The following TMEM244 variants were observed in gnomAD, a reference collection of about 807,000 sequenced individuals.
The protein encoded by TMEM244 is putative transmembrane protein 244.
TMEM244 carries 13 observed loss-of-function variants against 15.8 expected under a neutral mutation model. That is an observed-to-expected ratio of 0.82 (90% CI 0.53 to 1.30). The LOEUF is 1.30. Among genes scored for constraint, TMEM244 ranks in the 50% most tolerant of loss-of-function variants. The pLI is 0.00. For missense variants in TMEM244, 161 were observed against 144.9 expected (o/e 1.11, Z -0.57); for synonymous variants, 45 against 48.7 (o/e 0.92, Z 0.32).
chr6:129,851,210 C>T (rs1031238120), intron 1 of TMEM244, among the ~76,000 whole-genome samples: 20 of 152,080 alleles, frequency 1.3e-4, no homozygotes, highest in Non-Finnish European at 4.4e-5. Flanking sequence ...TCCTCTCAAC[C>T]CTGTGCTGTC....
chr6:129,855,355 G>T (rs1162157777), intron 1 of TMEM244, among the ~76,000 whole-genome samples: 9 of 152,162 alleles, frequency 5.9e-5, no homozygotes, highest in South Asian at 2.1e-4. Flanking sequence ...AGATGACGGG[G>T]TATAGTGTCA....
chr6:129,850,401 A>C (rs935397854), intron 1 of TMEM244, among the ~76,000 whole-genome samples: 3 of 152,186 alleles, frequency 2.0e-5, no homozygotes, highest in African/African-American at 7.2e-5. Flanking sequence ...TGGATTTGCA[A>C]TGGAAATGGA....
chr6:129,836,646 C>T (rs1160430198), intron 3 of TMEM244, among the ~76,000 whole-genome samples: 1 of 152,138 alleles, frequency 6.6e-6, no homozygotes, highest in Non-Finnish European at 1.5e-5. Context: ...GGAGCATCTT[C>T]TAACCCATTG....
chr6:129,834,959 CTTG>C (rs1776382484), intron 3 of TMEM244, among the ~76,000 whole-genome samples: 2 of 152,138 alleles, frequency 1.3e-5, no homozygotes, highest in Admixed American at 6.5e-5. Context: ...TGATTTTAGT[CTTG>C]TACAAGCTGC....
intron 1 of TMEM244, among the ~76,000 whole-genome samples, chr6:129,860,067 GA>G (rs1455431284): frequency 1.3e-5 from 2 of 151,102 alleles, no homozygotes; most frequent in African/African-American, 4.9e-5. Flanking sequence ...AGATAGTGAG[GA>G]ACTGCAGCAA....
At chr6:129,849,071 C>T (rs755538448) in intron 1 of TMEM244, among the ~76,000 whole-genome samples, 1 of 152,024 alleles carries the variant, frequency 6.6e-6, no homozygotes, top group Admixed American at 6.6e-5. Context: ...AATAGTAAAT[C>T]TGTGTAAGAC....
chr6:129,856,115 AT>A (rs1776701440), intron 1 of TMEM244, among the ~76,000 whole-genome samples: 1 of 150,708 alleles, frequency 6.6e-6, no homozygotes. Context: ...GGTCTTTTTT[AT>A]TTTCTGAGTG....
chr6:129,840,399 G>A (rs568079635), intron 3 of TMEM244, among the ~76,000 whole-genome samples: 1 of 151,822 alleles, frequency 6.6e-6, no homozygotes, highest in African/African-American at 2.4e-5. Context: ...GAAACTGGAT[G>A]GCTTCCCTAC....
intron 3 of TMEM244, among the ~76,000 whole-genome samples, chr6:129,840,964 A>C (rs926170399): frequency 6.6e-6 from 1 of 152,228 alleles, no homozygotes; most frequent in African/African-American, 2.4e-5. Flanking sequence ...GAACACTTTT[A>C]CACTGTTGGT....
At chr6:129,856,241 G>T (rs1223737433) in intron 1 of TMEM244, among the ~76,000 whole-genome samples, 2 of 151,846 alleles carry the variant, frequency 1.3e-5, no homozygotes, top group Non-Finnish European at 2.9e-5. Context: ...CATCATTTTT[G>T]TACTTCCTTG....
At chr6:129,860,443 A>G (rs1776790936) in intron 1 of TMEM244, among the ~76,000 whole-genome samples, 1 of 152,144 alleles carries the variant, frequency 6.6e-6, no homozygotes, top group South Asian at 2.1e-4. Context: ...GGTAGTGTAA[A>G]GAAAAAGCTT....
intron 1 of TMEM244, among the ~76,000 whole-genome samples, chr6:129,852,933 C>T (rs891789854): frequency 1.3e-5 from 2 of 152,112 alleles, no homozygotes; most frequent in African/African-American, 4.8e-5. Context: ...CAGGTAGATC[C>T]CTGCAGAGGG....
Position 129,831,364 on chromosome 6 carries a change from T to C in TMEM244, c.342A>G (p.Thr114=). ...TACCTAAAGCAGCCCACCAATGTGATGTCAAGGGGAATTCCAACATAACTG... is the reference window on the plus strand; with the variant it reads ...TACCTAAAGCAGCCCACCAATGTGACGTCAAGGGGAATTCCAACATAACTG... ...TSTVMLEFPL[T]SHWWAALGIS... The change falls in exon 5 of 5, where the codon ACA becomes ACG. Residue 114 remains threonine, a synonymous_variant. Coordinates refer to ENST00000368143, the MANE Select transcript of TMEM244 (RefSeq NM_001010876.2). The C allele has an allele frequency of 1.3e-6, 2 of 1,581,846 alleles. No individual in the cohort carries two copies. Among genetic ancestry groups the C allele is most frequent in the East Asian group, 2.2e-5 (1 of 44,778 alleles).
intron 1 of TMEM244, among the ~76,000 whole-genome samples, chr6:129,856,095 T>C (rs1261138616): frequency 1.3e-5 from 2 of 152,142 alleles, no homozygotes; most frequent in Non-Finnish European, 2.9e-5. Flanking sequence ...ATTTATTTTT[T>C]ATAACCTATG....
chr6:129,853,361 ACTT>A (rs1776660070), intron 1 of TMEM244, among the ~76,000 whole-genome samples: 1 of 152,082 alleles, frequency 6.6e-6, no homozygotes, highest in African/African-American at 2.4e-5. Flanking sequence ...AGTTCCCCTG[ACTT>A]CTTATTCTCT....
At chr6:129,844,695 C>T (rs1203189940) in intron 2 of TMEM244, among the ~76,000 whole-genome samples, 1 of 152,192 alleles carries the variant, frequency 6.6e-6, no homozygotes, top group African/African-American at 2.4e-5. Context: ...CCTAGAGAGT[C>T]TTGCCTTCTC....
chr6:129,843,549 C>T lies in TMEM244; in HGVS notation c.174G>A (p.Trp58Ter), dbSNP rs374256888. 1.2e-6 allele frequency: 2 copies of T among 1,610,952 alleles called. No homozygotes were observed. The highest frequency in any genetic ancestry group is 1.7e-6 in the Non-Finnish European group (2 of 1,177,836). Residue 58 changes from tryptophan to a stop codon, truncating the protein, a stop_gained, in exon 3 of 5, where the codon TGG becomes TGA. Transcript: ENST00000368143. LOFTEE classifies it high-confidence loss of function. The stretch of plus-strand genomic sequence containing the variant: ...AATTACCTTTATAGTTTATGTTGAG[C>T]CATGAGGGATTTGTTTTGAAATCAA... ...APFDFKTNPS[W>*]LNINYKVLLV...
intron 1 of TMEM244, among the ~76,000 whole-genome samples, chr6:129,860,573 T>C (rs996876825): frequency 6.6e-6 from 1 of 152,174 alleles, no homozygotes; most frequent in Admixed American, 6.5e-5. Flanking sequence ...GTCTGGCTCA[T>C]TATAGGCCTA....
intron 2 of TMEM244, among the ~76,000 whole-genome samples, chr6:129,844,745 A>C (rs570642473): frequency 6.6e-6 from 1 of 152,268 alleles, no homozygotes; most frequent in South Asian, 2.1e-4. Context: ...AGTCCCAGGG[A>C]GGAGGCTGAG....
Sources: allele counts gnomAD v4.1 joint callset (sites outside exome capture counted in the v4.1 genomes callset), GRCh38; gene constraint gnomAD v4.1.1; transcripts MANE v1.5; gene names NCBI Gene and HGNC (gene_info 2026-07-23, HGNC 2026-07-21).